The following COL4A6 variants were observed in gnomAD, a reference collection of about 807,000 sequenced individuals.
COL4A6 encodes collagen type IV alpha 6 chain.
COL4A6 carries 59 observed loss-of-function variants against 126.7 expected under a neutral mutation model. That is an observed-to-expected ratio of 0.47 (90% CI 0.38 to 0.58). The LOEUF (loss-of-function observed/expected upper bound fraction) is 0.58, where lower values mean the gene tolerates loss of function less well. COL4A6 is among the 20% of genes least tolerant of loss of function. The pLI is 0.00. For missense variants in COL4A6, 1,285 were observed against 1,337.3 expected (o/e 0.96, Z 0.61); for synonymous variants, 547 against 496.6 (o/e 1.10, Z -1.35).
At chrX:108,314,143 C>T (rs2038827792) in intron 2 of COL4A6, among the ~76,000 whole-genome samples, 1 of 111,593 alleles carries the variant, frequency 9.0e-6, no homozygotes, top group Non-Finnish European at 1.9e-5. Context: ...TTCAGAACAC[C>T]TGTCATTCCT....
intron 27 of COL4A6, among the ~76,000 whole-genome samples, chrX:108,178,409 G>C (rs1002783243): frequency 2.7e-5 from 3 of 112,330 alleles, no homozygotes; most frequent in African/African-American, 9.7e-5. Flanking sequence ...TGGGGAGGTC[G>C]GGAGAGTTGA....
chrX:108,254,938 C>T (rs768945550), intron 3 of COL4A6, among the ~76,000 whole-genome samples: 1 of 108,809 alleles, frequency 9.2e-6, no homozygotes, highest in South Asian at 4.0e-4. Context: ...ATTTACTTAA[C>T]CTTATCTGGG....
chrX:108,241,953 TACTATTA>T (rs1280658581), intron 3 of COL4A6, among the ~76,000 whole-genome samples: 3 of 108,980 alleles, frequency 2.8e-5, no homozygotes, highest in Non-Finnish European at 5.7e-5. Flanking sequence ...CATTGGTAGA[TACTATTA>T]ACAAAACTCC....
intron 41 of COL4A6, among the ~76,000 whole-genome samples, chrX:108,162,476 GAGGAA>G (rs2033989500): frequency 3.6e-5 from 4 of 110,945 alleles, no homozygotes; most frequent in Non-Finnish European, 7.6e-5. Flanking sequence ...AGAAGAAGAA[GAGGAA>G]GAAGAAGAGG....
intron 2 of COL4A6, among the ~76,000 whole-genome samples, chrX:108,354,348 C>A (rs182840192): frequency 3.2e-3 from 360 of 111,551 alleles, no homozygotes; most frequent in Admixed American, 6.6e-3. Flanking sequence ...CCAGACACCA[C>A]AAAATGTTTC....
At chrX:108,270,394 A>G (rs1448647458) in intron 3 of COL4A6, among the ~76,000 whole-genome samples, 1 of 112,789 alleles carries the variant, frequency 8.9e-6, no homozygotes, top group African/African-American at 3.2e-5. Flanking sequence ...GAGGCATTCT[A>G]TGTTTTTGTT....
Position 108,172,506 on chromosome X carries a change from A to T in COL4A6, c.3165T>A (p.Pro1055=). 1 of 1,206,823 alleles carries T rather than the reference A, an allele frequency of 8.3e-7. No individual in the cohort carries two copies. The highest frequency in any genetic ancestry group is 1.1e-6 in the Non-Finnish European group (1 of 893,145). The change falls in exon 32 of 45, where the codon CCT becomes CCA. Residue 1055 remains proline (P), a synonymous_variant. Coordinates refer to ENST00000334504, the MANE Select transcript of COL4A6 (RefSeq NM_033641.4). ...ESGSQGIRGS[P]GLPGASGLPG... The stretch of plus-strand genomic sequence containing the variant: ...GGAGACCAGATGCTCCTGGGAGTCC[A>T]GGCGACCCTCTGATACCTTGTGAAC...
At chrX:108,434,074 G>A (rs2064220854) in intron 2 of COL4A6, among the ~76,000 whole-genome samples, 2 of 111,940 alleles carry the variant, frequency 1.8e-5, no homozygotes, top group African/African-American at 3.2e-5. Flanking sequence ...GCTTGATTAT[G>A]AGCTTACAGA....
chrX:108,334,560 A>C lies in COL4A6; in HGVS notation c.64-23732T>G, dbSNP rs189569256. Among the ~76,000 whole-genome samples, 5 of 111,916 alleles carry C rather than the reference A, an allele frequency of 4.5e-5. No homozygotes were observed. The East Asian group carries it at 1.4e-3, about 31-fold the overall frequency. On this transcript the variant is annotated intron_variant, in intron 2 of 44. Transcript: ENST00000334504. Reference sequence around the variant, plus strand: ...CATCCATTAGAGGCAATAAAGTAACATGAGATGGCATTCCTGGAACTGGAT... The same window carrying C: ...CATCCATTAGAGGCAATAAAGTAACCTGAGATGGCATTCCTGGAACTGGAT...
intron 23 of COL4A6, among the ~76,000 whole-genome samples, chrX:108,182,446 G>A (rs1226548582): frequency 8.9e-6 from 1 of 112,297 alleles, no homozygotes; most frequent in African/African-American, 3.2e-5. Flanking sequence ...ATTTCCAGAG[G>A]TGAACAGATG....
In COL4A6 at chrX:108,417,390, T is replaced by C. The variant is rs188675981; in HGVS notation, c.63+20552A>G. The stretch of plus-strand genomic sequence containing the variant: ...TATCATCATCCTTTTGCCACTGTTA[T>C]CATATTAGTAGTAGTAGTATTAGTA... On this transcript the variant is annotated intron_variant, in intron 2 of 44. Transcript: ENST00000334504. Among the ~76,000 whole-genome samples, 112 of 112,299 alleles carry C rather than the reference T, an allele frequency of 1.0e-3. 4 individuals are homozygous for C. The East Asian group carries it at 0.03, about 30-fold the overall frequency.
chrX:108,316,458 T>C (rs748566018), intron 2 of COL4A6, among the ~76,000 whole-genome samples: 53 of 111,422 alleles, frequency 4.8e-4, no homozygotes, highest in Middle Eastern at 9.2e-3. Flanking sequence ...GTAGGAAGTG[T>C]TGGGGTTAGG....
At chrX:108,416,081 C>T (rs748990137) in intron 2 of COL4A6, among the ~76,000 whole-genome samples, 15 of 111,712 alleles carry the variant, frequency 1.3e-4, no homozygotes, top group Non-Finnish European at 2.8e-4. Context: ...TATTCTTTCC[C>T]ATTCATCCTC....
intron 3 of COL4A6, among the ~76,000 whole-genome samples, chrX:108,231,558 G>A (rs1330571732): frequency 8.9e-6 from 1 of 111,808 alleles, no homozygotes; most frequent in Non-Finnish European, 1.9e-5. Flanking sequence ...TACAGATGAG[G>A]AAACTCAAAT....
chrX:108,211,607 G>C, intron 7 of COL4A6, 65 bp downstream of exon 7: 1 of 1,015,414 alleles, frequency 9.8e-7, no homozygotes, highest in Non-Finnish European at 1.4e-6. Context: ...TTCACTGGAG[G>C]TGGGGCCCAA....
chrX:108,389,490 G>C lies in COL4A6; in HGVS notation c.63+48452C>G, dbSNP rs2040781611. 3.6e-5 allele frequency among the ~76,000 whole-genome samples: 4 copies of C among 110,822 alleles called. 1 individual carries two copies. Among genetic ancestry groups the C allele is most frequent in the Admixed American group, 1.9e-4 (2 of 10,471 alleles). On this transcript the variant is annotated intron_variant, in intron 2 of 44. Transcript: ENST00000334504. ...TATAATGACCTTCTTTCTCTCTTTT[G>C]ATCTTTGTTGGTTTAAAGTCTGTTT...
chrX:108,191,241 G>A (rs989430019), intron 19 of COL4A6, 152 bp downstream of exon 19: 6 of 645,602 alleles, frequency 9.3e-6, no homozygotes, highest in Non-Finnish European at 1.4e-5. Context: ...CTGACTCAGA[G>A]ACGACGGGGC....
intron 2 of COL4A6, among the ~76,000 whole-genome samples, chrX:108,327,347 A>G (rs1311241164): frequency 3.8e-5 from 4 of 104,685 alleles, no homozygotes; most frequent in Non-Finnish European, 7.8e-5. Context: ...CTATGGAAAA[A>G]TTGTCTTCCA....
rs1248070501 is a variant in COL4A6, at chrX:108,438,170, G to A, written c.11+16C>T. The stretch of plus-strand genomic sequence containing the variant: ...AGTAAGAAAGAGGAGGGGAGCTCGG[G>A]GCAGCAACAGCTCACCCAGGGTGCA... On this transcript the variant is annotated intron_variant, in intron 1 of 44. Transcript: ENST00000334504. 3.3e-6 allele frequency: 4 copies of A among 1,206,898 alleles called. No homozygotes were observed. The highest frequency in any genetic ancestry group is 4.5e-6 in the Non-Finnish European group (4 of 893,280).
Sources: allele counts gnomAD v4.1 joint callset (sites outside exome capture counted in the v4.1 genomes callset), GRCh38; gene constraint gnomAD v4.1.1; transcripts MANE v1.5; gene names NCBI Gene and HGNC (gene_info 2026-07-23, HGNC 2026-07-21).